The following OXNAD1 variants were observed in gnomAD, a reference collection of about 807,000 sequenced individuals.
The protein encoded by OXNAD1 is oxidoreductase NAD-binding domain-containing protein 1.
OXNAD1 carries 34 observed loss-of-function variants against 32.9 expected under a neutral mutation model. The ratio of observed to expected loss-of-function variants is 1.03; its 90% CI spans 0.79 to 1.38. The LOEUF is 1.38. Among genes scored for constraint, OXNAD1 ranks in the 40% most tolerant of loss-of-function variants. The pLI is 0.00. For missense variants in OXNAD1, 407 were observed against 379.4 expected, an observed-to-expected ratio of 1.07 and a Z score of -0.60; for synonymous variants, 134 against 135.2, an observed-to-expected ratio of 0.99 and a Z score of 0.06.
chr3:16,321,869 G>A lies in OXNAD1; in HGVS notation c.*31-15243G>A, dbSNP rs371358752. On this transcript the variant is annotated intron_variant, in intron 9 of 9. Coordinates refer to the OXNAD1 transcript ENST00000435829. The surrounding 1 kb of genome is among the most constrained non-coding windows in gnomAD (Gnocchi z 4.8). ...AATCTATCTCTAAAGTCTCCCTGCC[G>A]ACTCAAGTTTCCACTGACTTGTCCC... 6.6e-5 allele frequency among the ~76,000 whole-genome samples: 10 copies of A among 152,236 alleles called. No homozygotes were observed. The highest frequency in any genetic ancestry group is 3.4e-3 in the Middle Eastern group (1 of 294).
In OXNAD1 at chr3:16,336,102, CAGAA is replaced by C. The variant is rs1316700887; in HGVS notation, c.*31-1005_*31-1002del. On this transcript the variant is annotated intron_variant, in intron 9 of 9. Transcript: ENST00000435829. This position sits in a 1 kb window ranked among gnomAD's most constrained non-coding sequence, Gnocchi z 6.0. ...GGCAGGGTGGACAGGAATGCCAAGA[CAGAA>C]AGAAGGGCCACTTCACCTCTACCTC... 6.6e-6 allele frequency among the ~76,000 whole-genome samples: 1 copy of C among 152,180 alleles called. No homozygotes were observed. Among genetic ancestry groups the C allele is most frequent in the African/African-American group, 2.4e-5 (1 of 41,440 alleles).
At chr3:16,326,486 T>C (rs1025322628) in intron 9 of OXNAD1, among the ~76,000 whole-genome samples, 5 of 152,222 alleles carry the variant, frequency 3.3e-5, no homozygotes, top group African/African-American at 1.2e-4. Context: ...TTCTTTTGCA[T>C]TGGAGGCTCT....
chr3:16,336,723 T>C lies in OXNAD1; in HGVS notation c.*31-389T>C, dbSNP rs1018350526. Among the ~76,000 whole-genome samples the C allele has an allele frequency of 5.9e-5, 9 of 152,128 alleles. No homozygotes were observed. Among genetic ancestry groups the C allele is most frequent in the African/African-American group, 2.2e-4 (9 of 41,422 alleles). ...CAGAAAAGGGTCAGAGGAAAATACA[T>C]GTAGTGCATAAAAAGCTTCAGTTCT... On this transcript the variant is annotated intron_variant, in intron 9 of 9. Transcript: ENST00000435829. This position sits in a 1 kb window ranked among gnomAD's most constrained non-coding sequence, Gnocchi z 6.0.
In OXNAD1 at chr3:16,334,187, A is replaced by C. The variant is rs185762482; in HGVS notation, c.*31-2925A>C. ...CTCAAAACAAAAACAAAAACAAAAA[A>C]CAACAACAAAAAATACCCTGAGATA... On this transcript the variant is annotated intron_variant, in intron 9 of 9. Coordinates refer to the OXNAD1 transcript ENST00000435829. The surrounding 1 kb of genome is among the most constrained non-coding windows in gnomAD (Gnocchi z 4.3). 1.8e-4 allele frequency among the ~76,000 whole-genome samples: 28 copies of C among 152,196 alleles called. No homozygotes were observed. The highest frequency in any genetic ancestry group is 3.2e-4 in the Non-Finnish European group (22 of 67,988).
intron 9 of OXNAD1, among the ~76,000 whole-genome samples, chr3:16,328,451 A>T (rs965846543): frequency 1.3e-5 from 2 of 152,212 alleles, no homozygotes; most frequent in Non-Finnish European, 2.9e-5. Context: ...GGAACAACCT[A>T]CCTGCCCTGT....
intron 1 of OXNAD1, among the ~76,000 whole-genome samples, chr3:16,268,131 G>A (rs1450902266): frequency 6.6e-6 from 1 of 151,746 alleles, no homozygotes; most frequent in Admixed American, 6.6e-5. Context: ...TGGAACCGCC[G>A]GACATATTTC....
intron 1 of OXNAD1, among the ~76,000 whole-genome samples, chr3:16,266,198 A>G (rs372871827): frequency 6.6e-6 from 1 of 152,238 alleles, no homozygotes; most frequent in East Asian, 1.9e-4. Context: ...TAGAGATGAT[A>G]TAAGATCCTT....
In OXNAD1 at chr3:16,265,973, A is replaced by C. The variant is rs1441755891; in HGVS notation, c.-159+468A>C. 1.2e-5 allele frequency: 11 copies of C among 898,388 alleles called. No homozygotes were observed. Among genetic ancestry groups the C allele is most frequent in the Middle Eastern group, 5.6e-4 (1 of 1,800 alleles). The allele number at this position is 898,388 out of a possible 1,614,324, so 55.7% of individuals were successfully genotyped here. The stretch of plus-strand genomic sequence containing the variant: ...CAGATAAAAGGCATTTTTGTCTTGA[A>C]AGCAGTGCTAGTGCCTGTTTTGGTA... On this transcript the variant is annotated intron_variant, in intron 1 of 8. Transcript: ENST00000285083. This position sits in a 1 kb window ranked among gnomAD's most constrained non-coding sequence, Gnocchi z 4.8.
chr3:16,266,347 G>A (rs2064498789), intron 1 of OXNAD1, among the ~76,000 whole-genome samples: 1 of 152,038 alleles, frequency 6.6e-6, no homozygotes, highest in Admixed American at 6.6e-5. Context: ...ACATTACAAT[G>A]ACTACTAAAC....
rs1014368785 is a variant in OXNAD1 at position 16,324,636 on chromosome 3, T to C, written c.*31-12476T>C. ...TGACCCCCCCCCTTTTAAGGTTGCA[T>C]AGTATTCCATTGTGTGTGTGTGTGT... On this transcript the variant is annotated intron_variant, in intron 9 of 9. Transcript: ENST00000435829. 2.2e-4 allele frequency among the ~76,000 whole-genome samples: 25 copies of C among 114,838 alleles called. 1 individual carries two copies. The highest frequency in any genetic ancestry group is 4.6e-4 in the Non-Finnish European group (25 of 54,418). 75.3% of individuals were successfully genotyped at this position (114,838 alleles called of 152,430 possible).
At chr3:16,350,720 T>A (rs982850471), downstream of OXNAD1, among the ~76,000 whole-genome samples, 1 of 152,164 alleles carries the variant, frequency 6.6e-6, no homozygotes, top group Non-Finnish European at 1.5e-5. Context: ...GGTTTGGGTG[T>A]TGATTCCTGG....
At chr3:16,313,539 T>C (rs1268124337) in intron 9 of OXNAD1, 1 of 152,208 alleles carries the variant, frequency 6.6e-6, no homozygotes, top group East Asian at 1.9e-4. Flanking sequence ...ATTGATTACC[T>C]ATCAGCATGT....
downstream of OXNAD1, among the ~76,000 whole-genome samples, chr3:16,341,178 AC>A (rs2071294529): frequency 6.6e-6 from 1 of 152,332 alleles, no homozygotes; most frequent in South Asian, 2.1e-4. The surrounding 1 kb of genome is among the most constrained non-coding windows in gnomAD (Gnocchi z 4.7). Flanking sequence ...AGGATGTGGA[AC>A]AACAGCAACT....
rs1043479140 is a variant in OXNAD1 at position 16,299,139 on chromosome 3, C to T, written c.433-2487C>T. Among the ~76,000 whole-genome samples the T allele has an allele frequency of 2.0e-5, 3 of 152,174 alleles. No individual in the cohort carries two copies. Among genetic ancestry groups the T allele is most frequent in the African/African-American group, 4.8e-5 (2 of 41,430 alleles). On this transcript the variant is annotated intron_variant, in intron 6 of 8. Coordinates refer to ENST00000285083, the MANE Select transcript of OXNAD1 (RefSeq NM_138381.5). The surrounding 1 kb of genome is among the most constrained non-coding windows in gnomAD (Gnocchi z 4.4). ...CTAGAGGCTTTCTTTGTTGTCATTA[C>T]TAAGCATGCCAAAGATGGCCACTGG... is the stretch of plus-strand genomic sequence containing the variant.
intron 5 of OXNAD1, among the ~76,000 whole-genome samples, chr3:16,293,725 TA>T (rs1201071950): frequency 6.6e-6 from 1 of 152,228 alleles, no homozygotes; most frequent in African/African-American, 2.4e-5. Flanking sequence ...GTAGACATCC[TA>T]ATCTTGTTTC....
At chr3:16,294,730 TCTC>T in intron 5 of OXNAD1, 123 bp from the exon 6 acceptor site, 1 of 898,262 alleles carries the variant, frequency 1.1e-6, no homozygotes, top group Non-Finnish European at 1.6e-6. Context: ...TGTGATGATA[TCTC>T]CTCTTTTATT....
At chr3:16,332,874 T>A (rs2070466753) in intron 9 of OXNAD1, among the ~76,000 whole-genome samples, 1 of 152,190 alleles carries the variant, frequency 6.6e-6, no homozygotes, top group Admixed American at 6.5e-5. Context: ...AACCTCATTA[T>A]TCTTGGTAGC....
intron 2 of OXNAD1, 105 bp downstream of exon 2, chr3:16,269,380 CCTT>C (rs763164083): frequency 3.1e-5 from 38 of 1,236,048 alleles, no homozygotes; most frequent in Non-Finnish European, 4.0e-5. Context: ...GTTGAAGAGG[CCTT>C]CTGCTTTTTT....
rs966585214 is a variant in OXNAD1 at position 16,342,640 on chromosome 3, G to A, written c.*31-6536G>A. Among the ~76,000 whole-genome samples, 4 of 152,218 alleles carry A rather than the reference G, an allele frequency of 2.6e-5. No homozygotes were observed. Among genetic ancestry groups the A allele is most frequent in the Admixed American group, 6.5e-5 (1 of 15,278 alleles). ...TAAAAATAAAAAAAGTTATAAGAATGAAAGCAGAGGCCTCTTGGCCTCACT... is the reference window on the plus strand; with the variant it reads ...TAAAAATAAAAAAAGTTATAAGAATAAAAGCAGAGGCCTCTTGGCCTCACT... On this transcript the variant is annotated intron_variant, in intron 9 of 9. Coordinates refer to the OXNAD1 transcript ENST00000606098. The surrounding 1 kb of genome is among the most constrained non-coding windows in gnomAD (Gnocchi z 4.0).
Sources: allele counts gnomAD v4.1 joint callset (sites outside exome capture counted in the v4.1 genomes callset), GRCh38; gene constraint gnomAD v4.1.1; non-coding constraint Gnocchi (gnomAD v3.1); transcripts MANE v1.5; gene names NCBI Gene and HGNC (gene_info 2026-07-23, HGNC 2026-07-21).